BPIFB3: variants seen among roughly 807,000 people sequenced by gnomAD.
BPIFB3 encodes BPI fold containing family B member 3.
Under a neutral mutation model 53.1 loss-of-function variants are expected in BPIFB3, and 49 were observed. The ratio of observed to expected loss-of-function variants is 0.92; its 90% CI spans 0.73 to 1.17. BPIFB3 has a LOEUF of 1.17. Among genes scored for constraint, BPIFB3 ranks in the 50% most tolerant of loss-of-function variants. BPIFB3 has a pLI of 0.00. For synonymous variants in BPIFB3, 271 were observed against 269.6 expected, an observed-to-expected ratio of 1.01 and a Z score of -0.05; for missense variants, 628 against 592.5, an observed-to-expected ratio of 1.06 and a Z score of -0.62.
At chr20:33,072,455 G>A (rs1159131025) in intron 13 of BPIFB3, among the ~76,000 whole-genome samples, 4 of 152,194 alleles carry the variant, frequency 2.6e-5, no homozygotes, top group Non-Finnish European at 5.9e-5. Flanking sequence ...TTAGAATATA[G>A]ATGACCCAGA....
intron 6 of BPIFB3, 118 bp downstream of exon 7, chr20:33,063,793 T>C: frequency 1.9e-6 from 2 of 1,025,918 alleles, no homozygotes. Flanking sequence ...CTTTAGTTCC[T>C]CCTCACACTG....
chr20:33,066,047 G>C (rs1980658786), intron 8 of BPIFB3, among the ~76,000 whole-genome samples: 1 of 152,252 alleles, frequency 6.6e-6, no homozygotes, highest in South Asian at 2.1e-4. Flanking sequence ...ATCGTGGCAA[G>C]AGAGAGGAAT....
At chr20:33,064,891 C>T (rs1343912876) in intron 8 of BPIFB3, 46 bp downstream of exon 9, 1 of 1,579,188 alleles carries the variant, frequency 6.3e-7, no homozygotes, top group African/African-American at 1.3e-5. Flanking sequence ...CCTTGCCCTG[C>T]TGTGCCTTGG....
At chr20:33,072,018 G>A (rs547528702) in intron 12 of BPIFB3, 86 bp from the exon 14 acceptor site, 219 of 1,435,916 alleles carry the variant, frequency 1.5e-4, no homozygotes, top group Middle Eastern at 8.1e-4. Context: ...GGGCCCCTGG[G>A]TTTCTCTCCC....
chr20:33,055,856 C>T (rs919556105), intron 1 of BPIFB3, among the ~76,000 whole-genome samples: 2 of 152,122 alleles, frequency 1.3e-5, no homozygotes, highest in African/African-American at 4.8e-5. Context: ...CTAGCTGGGC[C>T]AGTGTCTCTG....
chr20:33,073,443 A>T, intron 14 of BPIFB3, 133 bp from the exon 16 acceptor site: 7 of 843,102 alleles, frequency 8.3e-6, no homozygotes, highest in Admixed American at 5.0e-5. Flanking sequence ...TTCATCATTC[A>T]TTTATTCATT....
At chr20:33,058,666 C>T (rs772102140) in intron 2 of BPIFB3, among the ~76,000 whole-genome samples, 2 of 151,938 alleles carry the variant, frequency 1.3e-5, no homozygotes, top group Non-Finnish European at 2.9e-5. Flanking sequence ...TGGCATTGTT[C>T]GTGCCTTGAA....
chr20:33,065,607 AAG>A (rs1980640600), intron 8 of BPIFB3, among the ~76,000 whole-genome samples: 1 of 151,852 alleles, frequency 6.6e-6, no homozygotes, highest in African/African-American at 2.4e-5. Flanking sequence ...GGAAAGAAGG[AAG>A]GAAGGAAGGA....
At chr20:33,054,055 G>A (rs533589604), upstream of BPIFB3, among the ~76,000 whole-genome samples, 2 of 152,244 alleles carry the variant, frequency 1.3e-5, no homozygotes, top group South Asian at 2.1e-4. Flanking sequence ...TGATGGGCAC[G>A]GAAAGAACTC....
At chr20:33,063,853 G>A (rs393024) in intron 6 of BPIFB3, among the ~76,000 whole-genome samples, 178 bp downstream of exon 7, 21,785 of 152,294 alleles carry the variant, frequency 0.14, 1,760 homozygotes, top group African/African-American at 0.21. Flanking sequence ...GGCTGAGGCC[G>A]CCTAGCAGGG....
chr20:33,073,740 A>G (rs966862831), downstream of BPIFB3: 15 of 1,031,672 alleles, frequency 1.5e-5, no homozygotes, highest in Middle Eastern at 2.1e-4. Flanking sequence ...CACTACTCCA[A>G]GTTTGGGGTG....
At chr20:33,069,053 C>G in intron 10 of BPIFB3, 80 bp downstream of exon 11, 3 of 1,468,090 alleles carry the variant, frequency 2.0e-6, no homozygotes, top group Non-Finnish European at 2.8e-6. Flanking sequence ...GTGGAGGTAC[C>G]GTCCCCCTGA....
chr20:33,058,750 C>A (rs192292569), intron 2 of BPIFB3, among the ~76,000 whole-genome samples: 45 of 151,998 alleles, frequency 3.0e-4, no homozygotes, highest in African/African-American at 1.0e-3. Flanking sequence ...GCAGCCCAGG[C>A]AGGGTGGGAT....
At position 33,064,437 on chromosome 20, in the gene BPIFB3, G is replaced by A. The variant is rs374376656; in HGVS notation, c.653-20G>A. ...GAACTGGGCTTATAGGGTCGTTCTC[G>A]CCCCCACTTTCCCACGCAGGCCTGG... On this transcript the variant is annotated intron_variant, in intron 6 of 14. Transcript: ENST00000375494. The A allele has an allele frequency of 2.6e-5, 42 of 1,604,468 alleles. No homozygotes were observed. The highest frequency in any genetic ancestry group is 1.7e-4 in the Middle Eastern group (1 of 6,048).
At chr20:33,055,299 G>A, upstream of BPIFB3, 2 of 1,418,530 alleles carry the variant, frequency 1.4e-6, no homozygotes, top group Non-Finnish European at 1.9e-6. Flanking sequence ...GCTTTCCTGG[G>A]AGTGAAGCTC....
At chr20:33,056,520 C>T in intron 1 of BPIFB3, 22 bp from the exon 3 acceptor site, 4 of 1,613,328 alleles carry the variant, frequency 2.5e-6, no homozygotes, top group Non-Finnish European at 2.5e-6. Context: ...CTAGTACCTT[C>T]CTACTTCCAC....
At chr20:33,064,734 C>G (rs1454371357) in exon 8 of BPIFB3, 1 of 1,614,034 alleles carries the variant, frequency 6.2e-7, no homozygotes, top group Non-Finnish European at 8.5e-7. Context: ...CCAAGGTGCC[C>G]CCCAAGAAGG....
At chr20:33,070,768 C>T (rs146647312) in intron 11 of BPIFB3, among the ~76,000 whole-genome samples, 11 of 152,366 alleles carry the variant, frequency 7.2e-5, no homozygotes, top group Admixed American at 1.3e-4. Context: ...TGGAGGGCCT[C>T]GCCTGCTGCC....
Position 33,064,653 on chromosome 20 carries a change from C to G in BPIFB3, c.745-13C>G, listed in dbSNP as rs1980594896. The G allele has an allele frequency of 1.2e-6, 2 of 1,613,252 alleles. No individual in the cohort carries two copies. The highest frequency in any genetic ancestry group is 1.1e-5 in the South Asian group (1 of 90,976). On this transcript the variant is annotated splice_polypyrimidine_tract_variant and intron_variant, in intron 7 of 14. Transcript: ENST00000375494. ...CTTAAGACCCTCCTCGGCCCTGTTT[C>G]CTGCCCCTGCAGCCTATCGTGAAGA...
Sources: gnomAD v4.1 joint callset for allele counts (sites outside exome capture counted in the v4.1 genomes callset) on GRCh38, gnomAD v4.1.1 for gene constraint, MANE v1.5 for transcripts, NCBI Gene and HGNC (gene_info 2026-07-23, HGNC 2026-07-21) for gene names.